The following SLC25A3 variants were observed in gnomAD, a reference collection of about 807,000 sequenced individuals.
SLC25A3 encodes the protein phosphate transport protein.
SLC25A3 carries 14 observed loss-of-function variants against 37.1 expected under a neutral mutation model. The ratio of observed to expected loss-of-function variants is 0.38; its 90% confidence interval spans 0.25 to 0.59. SLC25A3 has a LOEUF of 0.59. Ranked by LOEUF, SLC25A3 falls within the 20% of genes least tolerant of loss-of-function variation. SLC25A3 has a pLI of 0.67. For missense variants in SLC25A3, 385 were observed against 458.1 expected, an observed-to-expected ratio of 0.84 and a Z score of 1.46; for synonymous variants, 161 against 168.7, an observed-to-expected ratio of 0.95 and a Z score of 0.36.
Position 98,597,806 on chromosome 12 carries a change from A to G in SLC25A3, c.280-50A>G, listed in dbSNP as rs754310072. 8.8e-6 allele frequency: 14 copies of G among 1,597,604 alleles called. No individual in the cohort carries two copies. The East Asian group carries it at 2.5e-4, about 28-fold the overall frequency. The stretch of plus-strand genomic sequence containing the variant: ...AAAATAATCATGAGATTAAATTTTT[A>G]TGTTAGCTGTTTGGTGCATTTAATT... On this transcript the variant is annotated intron_variant, in intron 3 of 7. Coordinates refer to ENST00000552981, the MANE Select transcript of SLC25A3 (RefSeq NM_002635.4).
At chr12:98,593,817 C>A in intron 1 of SLC25A3, 77 bp downstream of exon 1, 2 of 756,536 alleles carry the variant, frequency 2.6e-6, no homozygotes, top group South Asian at 1.6e-5. Flanking sequence ...GCTGCTTTGG[C>A]GGTGGGCCCA....
At chr12:98,595,577 C>T (rs781624625) in intron 2 of SLC25A3, 150 bp from the exon 3 acceptor site, 1 of 1,613,620 alleles carries the variant, frequency 6.2e-7, no homozygotes, top group African/African-American at 1.3e-5. Context: ...GCATGCTGGA[C>T]TAGAGCATAT....
In SLC25A3 at chr12:98,606,177, T is replaced by G. The variant is rs1229211682; in HGVS notation, c.*4649T>G. Reference sequence around the variant, plus strand: ...TTTGCATTACTGATGAGGAAAAATCTCAAAGTAATTGTAAAAAATCCTGGA... The same window carrying G: ...TTTGCATTACTGATGAGGAAAAATCGCAAAGTAATTGTAAAAAATCCTGGA... On this transcript the variant is annotated 3_prime_UTR_variant, in exon 8 of 8. Coordinates refer to ENST00000552981, the MANE Select transcript of SLC25A3 (RefSeq NM_002635.4). The G allele has an allele frequency of 1.3e-5, 2 of 152,146 alleles. No homozygotes were observed. Among genetic ancestry groups the G allele is most frequent in the African/African-American group, 4.8e-5 (2 of 41,438 alleles). 9.4% of individuals were successfully genotyped at this position (152,146 alleles called of 1,614,324 possible).
Position 98,601,851 on chromosome 12 carries a change from A to C in SLC25A3, c.*323A>C. 2 of 268,388 alleles carry C rather than the reference A, an allele frequency of 7.5e-6. No individual in the cohort carries two copies. The highest frequency in any genetic ancestry group is 9.3e-5 in the South Asian group (2 of 21,396). The allele number at this position is 268,388 out of a possible 1,614,324, so 16.6% of individuals were successfully genotyped here. ...TTGAATATTCCAGTTGCTATTCAGAAATTGTCATATGTCTCAAGTTTTATC... is the reference window on the plus strand; with the variant it reads ...TTGAATATTCCAGTTGCTATTCAGACATTGTCATATGTCTCAAGTTTTATC... On this transcript the variant is annotated 3_prime_UTR_variant, in exon 8 of 8. Coordinates refer to ENST00000552981, the MANE Select transcript of SLC25A3 (RefSeq NM_002635.4).
At chr12:98,597,322 CT>C (rs1338427760) in intron 3 of SLC25A3, among the ~76,000 whole-genome samples, 2 of 152,104 alleles carry the variant, frequency 1.3e-5, no homozygotes, top group Non-Finnish European at 2.9e-5. Context: ...TAGTTCCTCA[CT>C]CAAAATATCT....
At chr12:98,599,860 G>A in intron 5 of SLC25A3, 95 bp from the exon 6 acceptor site, 1 of 1,291,292 alleles carries the variant, frequency 7.7e-7, no homozygotes, top group Non-Finnish European at 1.1e-6. Context: ...GTTACTATCA[G>A]GACTCGACTC....
chr12:98,600,147 C>A lies in SLC25A3; in HGVS notation c.814+20C>A. 2 of 1,424,718 alleles carry A rather than the reference C, an allele frequency of 1.4e-6. No individual in the cohort carries two copies. The highest frequency in any genetic ancestry group is 2.0e-6 in the Non-Finnish European group (2 of 1,006,980). The allele number at this position is 1,424,718 out of a possible 1,614,324, so 88.3% of individuals were successfully genotyped here. A position where few individuals can be genotyped will look rare whatever the true frequency, so the allele number is the denominator to read the frequency against. ...ACATAGGTACGAATTACTTAGAACA[C>A]ACTTGTCTGAAATTATGAACAAATA... On this transcript the variant is annotated intron_variant, in intron 6 of 7. Coordinates refer to ENST00000552981, the MANE Select transcript of SLC25A3 (RefSeq NM_002635.4).
In SLC25A3 at chr12:98,600,083, C is replaced by G; in HGVS notation, c.770C>G (p.Ser257Ter). Residue 257 changes from serine (S) to a stop codon, truncating the protein, a stop_gained, in exon 6 of 8, where the codon TCA becomes TGA. Coordinates refer to ENST00000552981, the MANE Select transcript of SLC25A3 (RefSeq NM_002635.4). LOFTEE classifies it high-confidence loss of function. ...GTTCCTAAGCCCCGCAGTGAATGTT[C>G]AAAGCCAGAGCAGCTGGTTGTAACA... ...FVVPKPRSEC[S>*]KPEQLVVTFV... 2 of 1,614,006 alleles carry G rather than the reference C, an allele frequency of 1.2e-6. No homozygotes were observed. Among genetic ancestry groups the G allele is most frequent in the Non-Finnish European group, 1.7e-6 (2 of 1,179,878 alleles).
At chr12:98,600,602 C>CAG (rs35817079) in intron 6 of SLC25A3, among the ~76,000 whole-genome samples, 7,584 of 152,014 alleles carry the variant, frequency 0.05, 263 homozygotes, top group East Asian at 0.21. Context: ...TTAGTAGAGA[C>CAG]GGTTTCACTA....
chr12:98,596,866 C>A (rs906374490), intron 3 of SLC25A3, among the ~76,000 whole-genome samples: 1 of 151,934 alleles, frequency 6.6e-6, no homozygotes, highest in Non-Finnish European at 1.5e-5. Context: ...GCTAAAAATA[C>A]AAAAATTAGC....
In SLC25A3 at chr12:98,602,565, C is replaced by T. The variant is rs1300266688; in HGVS notation, c.*1037C>T. The T allele has an allele frequency of 6.6e-6, 1 of 152,090 alleles. No individual in the cohort carries two copies. Among genetic ancestry groups the T allele is most frequent in the Non-Finnish European group, 1.5e-5 (1 of 68,022 alleles). The allele number at this position is 152,090 out of a possible 1,614,324, so 9.4% of individuals were successfully genotyped here. A position where few individuals can be genotyped will look rare whatever the true frequency, so the allele number is the denominator to read the frequency against. On this transcript the variant is annotated 3_prime_UTR_variant, in exon 8 of 8. Transcript: ENST00000552981. ...GAATGCCACTGGGGAAAAAGCATTC[C>T]ATCATACTTAGATACGAGATTGGAT...
rs367876676 is a variant in SLC25A3 at position 98,597,818 on chromosome 12, T to C, written c.280-38T>C. On this transcript the variant is annotated intron_variant, in intron 3 of 7. Coordinates refer to ENST00000552981, the MANE Select transcript of SLC25A3 (RefSeq NM_002635.4). The stretch of plus-strand genomic sequence containing the variant: ...AGATTAAATTTTTATGTTAGCTGTT[T>C]GGTGCATTTAATTTTTTTTTTCTTG... 221 of 1,604,428 alleles carry C rather than the reference T, an allele frequency of 1.4e-4. 1 individual carries two copies. The highest frequency in any genetic ancestry group is 9.1e-4 in the South Asian group (82 of 90,062).
At position 98,603,485 on chromosome 12, in the gene SLC25A3, C is replaced by CA. The variant is rs2097599346; in HGVS notation, c.*1958dup. ...AGTCCCAGATTGAGGAAAAAAGGAA[C>CA]ATAGTCTCTACCTCTTCCTGAGAGG... On this transcript the variant is annotated 3_prime_UTR_variant, in exon 8 of 8. Coordinates refer to ENST00000552981, the MANE Select transcript of SLC25A3 (RefSeq NM_002635.4). 1 of 152,154 alleles carries CA rather than the reference C, an allele frequency of 6.6e-6. No individual in the cohort carries two copies. 9.4% of individuals were successfully genotyped at this position (152,154 alleles called of 1,614,324 possible). A position where few individuals can be genotyped will look rare whatever the true frequency, so the allele number is the denominator to read the frequency against.
chr12:98,594,134 A>G lies in SLC25A3; in HGVS notation c.156A>G (p.Glu52=). ...RPRNLAAAAV[E]EYSCEFGSAK... ...GCAACCTGGCAGCCGCCGCCGTGGA[A>G]GGTGAGATCAGACCCTGCCCAATAC... The change falls in exon 2 of 8, where the codon GAA becomes GAG. Residue 52 remains glutamate, a splice_region_variant and synonymous_variant. Coordinates refer to ENST00000552981, the MANE Select transcript of SLC25A3 (RefSeq NM_002635.4). 1 of 1,608,700 alleles carries G rather than the reference A, an allele frequency of 6.2e-7. No homozygotes were observed.
chr12:98,598,296 C>T (rs956023051), intron 4 of SLC25A3: 9 of 727,898 alleles, frequency 1.2e-5, no homozygotes, highest in African/African-American at 3.6e-5. Context: ...CTCTGGGACT[C>T]CTTTGCGTAG....
At position 98,594,089 on chromosome 12, in the gene SLC25A3, G is replaced by C. The variant is rs151228170; in HGVS notation, c.111G>C (p.Thr37=). 2 of 1,611,746 alleles carry C rather than the reference G, an allele frequency of 1.2e-6. No individual in the cohort carries two copies. The highest frequency in any genetic ancestry group is 2.2e-5 in the South Asian group (2 of 90,976). The change falls in exon 2 of 8, where the codon ACG becomes ACC. Residue 37 remains threonine (T), a synonymous_variant. Coordinates refer to ENST00000552981, the MANE Select transcript of SLC25A3 (RefSeq NM_002635.4). ...TCCGCAGCAGCTCCCCAGGGCCCACGGGCCAGCCCCGCCGCCCTCGCAACC... is the reference window on the plus strand; with the variant it reads ...TCCGCAGCAGCTCCCCAGGGCCCACCGGCCAGCCCCGCCGCCCTCGCAACC... ...GDLRSSSPGP[T]GQPRRPRNLA...
intron 5 of SLC25A3, among the ~76,000 whole-genome samples, chr12:98,599,018 C>T (rs752876708): frequency 6.6e-6 from 1 of 151,790 alleles, no homozygotes; most frequent in Admixed American, 6.6e-5. Context: ...ACCTTGGCCT[C>T]CCAAAATGCT....
chr12:98,599,850 G>T, intron 5 of SLC25A3, 105 bp from the exon 6 acceptor site: 1 of 1,158,236 alleles, frequency 8.6e-7, no homozygotes. Context: ...GCTGCCATTT[G>T]TTACTATCAG....
At chr12:98,597,532 C>G (rs1035214472) in intron 3 of SLC25A3, 2 of 333,424 alleles carry the variant, frequency 6.0e-6, no homozygotes. Flanking sequence ...ATTGTTCTGT[C>G]TCACCCTCAC....
Sources: allele counts gnomAD v4.1 joint callset (sites outside exome capture counted in the v4.1 genomes callset), GRCh38; gene constraint gnomAD v4.1.1; transcripts MANE v1.5; gene names NCBI Gene and HGNC (gene_info 2026-07-23, HGNC 2026-07-21).